CSMD1: variants seen among roughly 807,000 people sequenced by gnomAD.
CSMD1 encodes CUB and sushi domain-containing protein 1.
A neutral mutation model predicts 417.5 loss-of-function variants in CSMD1; 213 were observed. The ratio of observed to expected loss-of-function variants is 0.51; its 90% CI spans 0.46 to 0.57. The LOEUF (loss-of-function observed/expected upper bound fraction) is 0.57. CSMD1 is among the 20% of genes least tolerant of loss of function. The pLI is 0.00. For synonymous variants in CSMD1, 2,862 were observed against 1,736.8 expected, an observed-to-expected ratio of 1.65 and a Z score of -16.11; for missense variants, 6,923 against 4,529.7, an observed-to-expected ratio of 1.53 and a Z score of -15.17.
chr8:4,263,892 T>C (rs952508501), intron 3 of CSMD1, among the ~76,000 whole-genome samples: 6 of 152,208 alleles, frequency 3.9e-5, no homozygotes, highest in Admixed American at 1.3e-4. Flanking sequence ...AGAACAATTA[T>C]AGACACAATA....
intron 2 of CSMD1, among the ~76,000 whole-genome samples, chr8:4,426,674 A>C (rs1797577747): frequency 6.8e-6 from 1 of 147,100 alleles, no homozygotes; most frequent in East Asian, 2.0e-4. Flanking sequence ...ATATTTTATT[A>C]TATAATATAG....
intron 5 of CSMD1, among the ~76,000 whole-genome samples, chr8:3,831,823 T>C (rs1433470000): frequency 2.0e-5 from 3 of 152,192 alleles, no homozygotes; most frequent in African/African-American, 7.2e-5. Flanking sequence ...CCCATCATAA[T>C]CTGGAAAGCT....
At chr8:4,018,851 G>T (rs906999568) in intron 4 of CSMD1, among the ~76,000 whole-genome samples, 2 of 152,132 alleles carry the variant, frequency 1.3e-5, no homozygotes, top group African/African-American at 2.4e-5. Flanking sequence ...GAATTCCTCT[G>T]TGATGGAGTC....
intron 5 of CSMD1, among the ~76,000 whole-genome samples, chr8:3,896,566 C>T (rs1807380890): frequency 6.6e-6 from 1 of 152,040 alleles, no homozygotes; most frequent in Middle Eastern, 3.4e-3. Context: ...GGCTGGAGTG[C>T]AGTGGCGTGA....
intron 18 of CSMD1, among the ~76,000 whole-genome samples, chr8:3,381,897 A>G (rs532827714): frequency 8.7e-4 from 133 of 152,304 alleles, no homozygotes; most frequent in Non-Finnish European, 1.4e-3. Context: ...GCAATTACAT[A>G]TATCTATACA....
At chr8:3,931,937 G>T (rs1810178356) in intron 5 of CSMD1, among the ~76,000 whole-genome samples, 1 of 149,308 alleles carries the variant, frequency 6.7e-6, no homozygotes, top group South Asian at 2.2e-4. Flanking sequence ...CCCAATTGTA[G>T]CTGTAGAATC....
intron 12 of CSMD1, among the ~76,000 whole-genome samples, chr8:3,419,786 A>C (rs1813374931): frequency 6.6e-6 from 1 of 152,234 alleles, no homozygotes; most frequent in Non-Finnish European, 1.5e-5. Context: ...ATCTTCATCA[A>C]TACAGTTTTG....
chr8:3,920,563 A>G (rs1020893345), intron 5 of CSMD1, among the ~76,000 whole-genome samples: 1 of 152,174 alleles, frequency 6.6e-6, no homozygotes, highest in Non-Finnish European at 1.5e-5. Flanking sequence ...TCTTAAATTT[A>G]AAGAGAAATG....
At chr8:3,372,244 G>C (rs1810003129) in intron 18 of CSMD1, among the ~76,000 whole-genome samples, 1 of 152,192 alleles carries the variant, frequency 6.6e-6, no homozygotes, top group South Asian at 2.1e-4. Flanking sequence ...TGGGTAGAGA[G>C]AAAGTGGTTA....
chr8:4,088,031 G>T (rs1401935624), intron 3 of CSMD1, among the ~76,000 whole-genome samples: 1 of 152,128 alleles, frequency 6.6e-6, no homozygotes, highest in Admixed American at 6.5e-5. Flanking sequence ...TGTGCTAAAT[G>T]ACACTCCCCC....
At chr8:4,310,070 T>C (rs988734179) in intron 3 of CSMD1, among the ~76,000 whole-genome samples, 1 of 152,160 alleles carries the variant, frequency 6.6e-6, no homozygotes, top group African/African-American at 2.4e-5. Flanking sequence ...GTATCAGGAA[T>C]GCTAAGGTCT....
chr8:4,764,897 A>AAACAAAACAAAAAAAAC, intron 1 of CSMD1, among the ~76,000 whole-genome samples: 1 of 15,750 alleles, frequency 6.3e-5, no homozygotes, highest in Non-Finnish European at 1.2e-4. Context: ...AAAAAAAACA[A>AAACAAAACAAAAAAAAC]CAACAACAAA....
At chr8:3,743,912 T>A (rs1054399797) in intron 6 of CSMD1, among the ~76,000 whole-genome samples, 3 of 152,200 alleles carry the variant, frequency 2.0e-5, no homozygotes, top group Admixed American at 2.0e-4. Context: ...GCACCATTTG[T>A]CTTTGTCACC....
At chr8:3,004,384 T>G (rs967800582) in intron 52 of CSMD1, among the ~76,000 whole-genome samples, 5 of 152,150 alleles carry the variant, frequency 3.3e-5, no homozygotes, top group Admixed American at 2.6e-4. Flanking sequence ...TGTCAGAAAT[T>G]GTCCTATTAA....
chr8:4,318,824 C>CA (rs1799093559), intron 3 of CSMD1, among the ~76,000 whole-genome samples: 1 of 151,908 alleles, frequency 6.6e-6, no homozygotes, highest in Non-Finnish European at 1.5e-5. Flanking sequence ...TGAAAGCTAA[C>CA]ATCCTCCCAT....
At chr8:4,447,698 T>C (rs550928254) in intron 2 of CSMD1, among the ~76,000 whole-genome samples, 2 of 152,294 alleles carry the variant, frequency 1.3e-5, no homozygotes, top group East Asian at 3.9e-4. Flanking sequence ...TTTTAGAAAG[T>C]GCACTCATAG....
At chr8:4,451,640 TGTTAGG>T (rs1799151056) in intron 2 of CSMD1, among the ~76,000 whole-genome samples, 1 of 152,134 alleles carries the variant, frequency 6.6e-6, no homozygotes, top group African/African-American at 2.4e-5. Flanking sequence ...TAGAAGGTAA[TGTTAGG>T]ATACATTCCT....
At chr8:4,967,181 G>C (rs924276270) in intron 1 of CSMD1, among the ~76,000 whole-genome samples, 3 of 152,106 alleles carry the variant, frequency 2.0e-5, no homozygotes, top group African/African-American at 7.2e-5. Flanking sequence ...AACACTATGA[G>C]CTGTTACTTC....
intron 23 of CSMD1, among the ~76,000 whole-genome samples, chr8:3,325,720 A>G (rs1386121025): frequency 6.6e-6 from 1 of 152,200 alleles, no homozygotes; most frequent in East Asian, 1.9e-4. Flanking sequence ...GCTACTCGGG[A>G]AGCTGAGGCA....
Sources: gnomAD v4.1 joint callset for allele counts (sites outside exome capture counted in the v4.1 genomes callset) on GRCh38, gnomAD v4.1.1 for gene constraint, MANE v1.5 for transcripts, NCBI Gene and HGNC (gene_info 2026-07-23, HGNC 2026-07-21) for gene names.